The following WEE1 variants were observed in gnomAD, a reference collection of about 807,000 sequenced individuals.
WEE1 encodes WEE1 G2 checkpoint kinase.
A neutral mutation model predicts 68.8 loss-of-function variants in WEE1; 16 were observed. The observed-to-expected ratio is 0.23, with a 90% confidence interval of 0.16 to 0.35. The LOEUF (loss-of-function observed/expected upper bound fraction) is 0.35, where lower values mean the gene tolerates loss of function less well. WEE1 is among the 10% of genes least tolerant of loss of function. The pLI is 1.00. For synonymous variants in WEE1, 349 were observed against 318.7 expected, an observed-to-expected ratio of 1.09 and a Z score of -1.01; for missense variants, 651 against 824.1, an observed-to-expected ratio of 0.79 and a Z score of 2.57.
chr11:9,579,843 A>G (rs1446035599), intron 5 of WEE1: 1 of 152,142 alleles, frequency 6.6e-6, no homozygotes, highest in African/African-American at 2.4e-5. Context: ...AACACATTTG[A>G]CGTTATGTTA....
At chr11:9,584,492 C>G (rs1401887958) in intron 6 of WEE1, among the ~76,000 whole-genome samples, 1 of 152,000 alleles carries the variant, frequency 6.6e-6, no homozygotes, top group Non-Finnish European at 1.5e-5. Context: ...CCACTAAAAG[C>G]TCATGTTAAT....
chr11:9,588,634 G>A lies in WEE1; in HGVS notation c.*32G>A. ...CCTTTCCCACCTCCCCCTGAACACTGTGACAAGAGGAAGCTAGGTTGAAAT... is the reference window on the plus strand; with the variant it reads ...CCTTTCCCACCTCCCCCTGAACACTATGACAAGAGGAAGCTAGGTTGAAAT... On this transcript the variant is annotated 3_prime_UTR_variant, in exon 11 of 11. Coordinates refer to ENST00000450114, the MANE Select transcript of WEE1 (RefSeq NM_003390.4). The A allele has an allele frequency of 6.8e-7, 1 of 1,472,614 alleles. No individual in the cohort carries two copies. The allele number at this position is 1,472,614 out of a possible 1,614,324, so 91.2% of individuals were successfully genotyped here. A position where few individuals can be genotyped will look rare whatever the true frequency, so the allele number is the denominator to read the frequency against.
intron 6 of WEE1, among the ~76,000 whole-genome samples, chr11:9,582,844 C>A (rs978885941): frequency 2.6e-5 from 4 of 152,046 alleles, no homozygotes; most frequent in Non-Finnish European, 4.4e-5. Flanking sequence ...AGATTACAGG[C>A]GTAAGCCACC....
chr11:9,587,775 T>C (rs902741456), intron 10 of WEE1, among the ~76,000 whole-genome samples: 5 of 152,150 alleles, frequency 3.3e-5, no homozygotes, highest in African/African-American at 1.2e-4. Context: ...TAAAACTGAC[T>C]TGAAAAGGTT....
At chr11:9,583,713 A>G (rs1849655398) in intron 6 of WEE1, among the ~76,000 whole-genome samples, 1 of 148,396 alleles carries the variant, frequency 6.7e-6, no homozygotes. Flanking sequence ...TAAATGTAAC[A>G]TAAATTTAAT....
At chr11:9,587,391 A>G (rs1167844329) in intron 10 of WEE1, among the ~76,000 whole-genome samples, 3 of 152,232 alleles carry the variant, frequency 2.0e-5, no homozygotes, top group South Asian at 2.1e-4. Flanking sequence ...AGACTAACAT[A>G]TATTTGCAAG....
intron 8 of WEE1, among the ~76,000 whole-genome samples, chr11:9,586,067 ATG>A (rs1169844669): frequency 6.6e-6 from 1 of 152,208 alleles, no homozygotes; most frequent in African/African-American, 2.4e-5. Context: ...CTTTGTAAAT[ATG>A]TGTATATATA....
At position 9,588,748 on chromosome 11, in the gene WEE1, G is replaced by A; in HGVS notation, c.*146G>A. On this transcript the variant is annotated 3_prime_UTR_variant, in exon 11 of 11. Transcript: ENST00000450114. ...CTTTTATTGTGAATTACAGTTGAAAGCTGTATTTTGATGATTGCTATGTCA... is the reference window on the plus strand; with the variant it reads ...CTTTTATTGTGAATTACAGTTGAAAACTGTATTTTGATGATTGCTATGTCA... 7.6e-7 allele frequency: 1 copy of A among 1,310,306 alleles called. No homozygotes were observed. The highest frequency in any genetic ancestry group is 9.7e-7 in the Non-Finnish European group (1 of 1,026,896). 81.2% of individuals were successfully genotyped at this position (1,310,306 alleles called of 1,614,324 possible).
intron 5 of WEE1, chr11:9,579,063 C>G (rs1849596069): frequency 6.6e-6 from 1 of 152,018 alleles, no homozygotes; most frequent in African/African-American, 2.4e-5. Context: ...CGCGCCACCA[C>G]TCCCAGCTAA....
At chr11:9,582,715 C>T (rs946190190) in intron 6 of WEE1, among the ~76,000 whole-genome samples, 6 of 152,018 alleles carry the variant, frequency 3.9e-5, no homozygotes, top group African/African-American at 1.2e-4. Flanking sequence ...TACAGGCATA[C>T]ACCACCATGC....
At position 9,576,698 on chromosome 11, in the gene WEE1, C is replaced by CTA. The variant is rs758108117; in HGVS notation, c.1019+41_1019+42dup. 1 of 1,578,818 alleles carries CTA rather than the reference C, an allele frequency of 6.3e-7. No homozygotes were observed. The highest frequency in any genetic ancestry group is 1.9e-5 in the Admixed American group (1 of 52,148). The stretch of plus-strand genomic sequence containing the variant: ...ATTTTGTCTTTTGCTCTTTTGTCCC[C>CTA]TATGGTGTTACTAACATTAAGGTTT... On this transcript the variant is annotated intron_variant, in intron 4 of 10. Transcript: ENST00000450114. This position sits in a 1 kb window ranked among gnomAD's most constrained non-coding sequence, Gnocchi z 4.3.
Position 9,581,621 on chromosome 11 carries a change from G to T in WEE1, c.1231G>T (p.Gly411Cys). 5 of 1,613,486 alleles carry T rather than the reference G, an allele frequency of 3.1e-6. No individual in the cohort carries two copies. The highest frequency in any genetic ancestry group is 4.2e-6 in the Non-Finnish European group (5 of 1,179,910). Reference protein sequence around the residue: ...AELKDLLLQVGRGLRYIHSMS... With the variant: ...AELKDLLLQVCRGLRYIHSMS... The stretch of plus-strand genomic sequence containing the variant: ...GTTGAAGGATCTCCTTTTGCAAGTT[G>T]GCCGAGGCTTGAGGTATATTCATTC... The change falls in exon 6 of 11, where the codon GGC (glycine) becomes TGC (cysteine). Residue 411 changes from glycine to cysteine, a missense_variant. Gly to Cys is a radical substitution (Grantham distance 159). Around this residue, in one of 5 missense-constraint regions of WEE1, gnomAD observed 82 missense variants for 123.2 expected, o/e 0.67. Coordinates refer to ENST00000450114, the MANE Select transcript of WEE1 (RefSeq NM_003390.4).
intron 4 of WEE1, 87 bp from the exon 5 acceptor site, chr11:9,577,055 T>A (rs927142425): frequency 2.1e-6 from 3 of 1,447,168 alleles, no homozygotes; most frequent in Non-Finnish European, 2.8e-6. Flanking sequence ...TACCAAAAAT[T>A]TATTGTATGA....
At chr11:9,586,252 A>G (rs1849698495) in intron 8 of WEE1, among the ~76,000 whole-genome samples, 197 bp from the exon 9 acceptor site, 1 of 152,140 alleles carries the variant, frequency 6.6e-6, no homozygotes, top group Non-Finnish European at 1.5e-5. Flanking sequence ...TTCCCCCAAG[A>G]GTGTGTATTA....
chr11:9,589,038 C>CTTT lies in WEE1; in HGVS notation c.*444_*446dup, dbSNP rs139009920. On this transcript the variant is annotated 3_prime_UTR_variant, in exon 11 of 11. Coordinates refer to ENST00000450114, the MANE Select transcript of WEE1 (RefSeq NM_003390.4). ...GTACCTGTGTGTCCATCTTATATTT[C>CTTT]TTTTTTTTTTAATTGTGAATTAGAC... is the stretch of plus-strand genomic sequence containing the variant. The CTTT allele has an allele frequency of 4.3e-4, 400 of 938,160 alleles. No individual in the cohort carries two copies. Among genetic ancestry groups the CTTT allele is most frequent in the Non-Finnish European group, 4.9e-4 (386 of 788,002 alleles). 58.1% of individuals were successfully genotyped at this position (938,160 alleles called of 1,614,324 possible).
intron 6 of WEE1, among the ~76,000 whole-genome samples, chr11:9,585,021 A>T (rs1849684493): frequency 2.6e-5 from 4 of 152,172 alleles, no homozygotes; most frequent in African/African-American, 9.6e-5. Context: ...AGCCAAGATC[A>T]TGCCACTGCA....
rs1455364417 is a variant in WEE1, at chr11:9,589,006, C to T, written c.*404C>T. On this transcript the variant is annotated 3_prime_UTR_variant, in exon 11 of 11. Transcript: ENST00000450114. ...GCTAAAAGACTCATTACTACTCAGC[C>T]TTCAATGTACCTGTGTGTCCATCTT... The T allele has an allele frequency of 3.0e-6, 3 of 986,196 alleles. No homozygotes were observed. The highest frequency in any genetic ancestry group is 3.6e-6 in the Non-Finnish European group (3 of 830,234). 61.1% of individuals were successfully genotyped at this position (986,196 alleles called of 1,614,324 possible).
Position 9,577,057 on chromosome 11 carries a change from A to G in WEE1, c.1020-85A>G. On this transcript the variant is annotated intron_variant, in intron 4 of 10. Transcript: ENST00000450114. The stretch of plus-strand genomic sequence containing the variant: ...GCATAACAATAGATACCAAAAATTT[A>G]TTGTATGAAGTTTCAGATAAATTAA... 3.4e-6 allele frequency: 5 copies of G among 1,455,624 alleles called. No individual in the cohort carries two copies. The South Asian group carries it at 7.0e-5, about 20-fold the overall frequency. 90.2% of individuals were successfully genotyped at this position (1,455,624 alleles called of 1,614,324 possible). A position where few individuals can be genotyped will look rare whatever the true frequency, so the allele number is the denominator to read the frequency against.
At chr11:9,577,777 A>G in intron 5 of WEE1, 1 of 437,766 alleles carries the variant, frequency 2.3e-6, no homozygotes, top group South Asian at 1.6e-5. Flanking sequence ...CTAACGCTTT[A>G]TTATGTTACA....
Sources: allele counts gnomAD v4.1 joint callset (sites outside exome capture counted in the v4.1 genomes callset), GRCh38; gene constraint gnomAD v4.1.1; regional missense constraint gnomAD v4.1.1; non-coding constraint Gnocchi (gnomAD v3.1); transcripts MANE v1.5; gene names NCBI Gene and HGNC (gene_info 2026-07-23, HGNC 2026-07-21).